LPGAT1: variants seen among roughly 807,000 people sequenced by gnomAD.
LPGAT1 encodes the protein lysophosphatidylglycerol acyltransferase 1, also known as acyl-CoA:lysophosphatidylglycerol acyltransferase 1.
In LPGAT1, 11 loss-of-function variants were observed where a neutral mutation model predicts 47.5. That is an observed-to-expected ratio of 0.23 (90% CI 0.15 to 0.38). The LOEUF is 0.38. Among genes scored for constraint, LPGAT1 ranks in the 10% least tolerant of loss-of-function variants. LPGAT1 has a pLI of 1.00. For synonymous variants in LPGAT1, 138 were observed against 144.2 expected, an observed-to-expected ratio of 0.96 and a Z score of 0.31; for missense variants, 293 against 439.0, an observed-to-expected ratio of 0.67 and a Z score of 2.97.
In LPGAT1 at chr1:211,745,880, C is replaced by T. The variant is rs1265975352; in HGVS notation, c.*4019G>A. On this transcript the variant is annotated 3_prime_UTR_variant, in exon 8 of 8. Coordinates refer to ENST00000366997, the MANE Select transcript of LPGAT1 (RefSeq NM_014873.3). ...CCTTCATATTAACAGATATAAGGCT[C>T]ATAGCACTGCAGAGCAAAAAAACAT... 1 of 152,638 alleles carries T rather than the reference C, an allele frequency of 6.6e-6. No individual in the cohort carries two copies. The highest frequency in any genetic ancestry group is 1.5e-5 in the Non-Finnish European group (1 of 68,052). The allele number at this position is 152,638 out of a possible 1,614,324, so 9.5% of individuals were successfully genotyped here.
chr1:211,776,337 G>A (rs999475895), intron 6 of LPGAT1, among the ~76,000 whole-genome samples: 4 of 152,080 alleles, frequency 2.6e-5, no homozygotes, highest in Non-Finnish European at 4.4e-5. Flanking sequence ...AGGAGTTCGA[G>A]ACCAGCCTGG....
intron 2 of LPGAT1, among the ~76,000 whole-genome samples, chr1:211,803,962 T>A (rs1659666695): frequency 6.6e-6 from 1 of 152,208 alleles, no homozygotes; most frequent in Non-Finnish European, 1.5e-5. Context: ...TTTTGCCATG[T>A]TGGCCATGTT....
chr1:211,778,833 G>A, intron 6 of LPGAT1, 85 bp downstream of exon 6: 1 of 1,116,386 alleles, frequency 9.0e-7, no homozygotes, highest in Non-Finnish European at 1.2e-6. Flanking sequence ...TCTACTGTGT[G>A]ATTAAAAACT....
chr1:211,829,242 G>C lies in LPGAT1; in HGVS notation c.55C>G (p.Leu19Val). ...PWLGWLLVKA[L>V]MRFAFMVVNN... ...ACGACCATGAAGGCAAACCTCATCA[G>C]TGCTTTCACCAAGAGCCAGCCCAGC... Residue 19 changes from leucine (L) to valine (V), a missense_variant, in exon 2 of 8, where the codon CTG (leucine) becomes GTG (valine). Coordinates refer to ENST00000366997, the MANE Select transcript of LPGAT1 (RefSeq NM_014873.3). 6.2e-7 allele frequency: 1 copy of C among 1,614,182 alleles called. No individual in the cohort carries two copies. Among genetic ancestry groups the C allele is most frequent in the Non-Finnish European group, 8.5e-7 (1 of 1,180,028 alleles).
chr1:211,802,164 T>G (rs902437386), intron 2 of LPGAT1, among the ~76,000 whole-genome samples: 1 of 149,416 alleles, frequency 6.7e-6, no homozygotes, highest in East Asian at 2.0e-4. Context: ...TTCTTTGGAG[T>G]TTTCACTTCT....
intron 2 of LPGAT1, among the ~76,000 whole-genome samples, chr1:211,826,533 T>C (rs1660548355): frequency 6.6e-6 from 1 of 152,250 alleles, no homozygotes; most frequent in East Asian, 1.9e-4. Context: ...TTTTAATTAA[T>C]TTAAATTTAA....
rs1180582801 is a variant in LPGAT1, at chr1:211,747,765, T to A, written c.*2134A>T. The A allele has an allele frequency of 6.6e-6, 1 of 152,390 alleles. No individual in the cohort carries two copies. Among genetic ancestry groups the A allele is most frequent in the Admixed American group, 6.5e-5 (1 of 15,288 alleles). 9.4% of individuals were successfully genotyped at this position (152,390 alleles called of 1,614,324 possible). A position where few individuals can be genotyped will look rare whatever the true frequency, so the allele number is the denominator to read the frequency against. On this transcript the variant is annotated 3_prime_UTR_variant, in exon 8 of 8. Coordinates refer to ENST00000366997, the MANE Select transcript of LPGAT1 (RefSeq NM_014873.3). ...AAACAGAAGCATCATTAAGCTTCTA[T>A]TGGGCTTTCTGTCATCATCCATACC...
In LPGAT1 at chr1:211,824,726, T is replaced by C. The variant is rs1660481619; in HGVS notation, c.238+4333A>G. ...TATTGAATTCTATTTTATTTCACAT[T>C]CTTAAAATGTTCATCTTCACATACT... On this transcript the variant is annotated intron_variant, in intron 2 of 7. Transcript: ENST00000366997. Among the ~76,000 whole-genome samples, 3 of 152,326 alleles carry C rather than the reference T, an allele frequency of 2.0e-5. No homozygotes were observed. The South Asian group carries it at 6.2e-4, about 32-fold the overall frequency.
chr1:211,796,971 G>A (rs1659375312), intron 2 of LPGAT1, among the ~76,000 whole-genome samples: 1 of 152,060 alleles, frequency 6.6e-6, no homozygotes, highest in Admixed American at 6.6e-5. Flanking sequence ...AAAAAGTGAA[G>A]GTGGTCAGGT....
intron 6 of LPGAT1, among the ~76,000 whole-genome samples, chr1:211,773,920 A>G (rs1658280018): frequency 6.6e-6 from 1 of 152,168 alleles, no homozygotes. Context: ...TATGCATGCT[A>G]ATAAAAATAT....
chr1:211,775,931 C>CA (rs201006748), intron 6 of LPGAT1, among the ~76,000 whole-genome samples: 1,553 of 77,170 alleles, frequency 0.02, 20 homozygotes, highest in Middle Eastern at 0.038. Flanking sequence ...AATGCCATCT[C>CA]AAAAAAAAAA....
At chr1:211,800,158 C>G (rs1659516840) in intron 2 of LPGAT1, among the ~76,000 whole-genome samples, 1 of 151,796 alleles carries the variant, frequency 6.6e-6, no homozygotes, top group Non-Finnish European at 1.5e-5. Context: ...CCTCAGCCTC[C>G]CGAGTAACTG....
chr1:211,778,170 G>A (rs1658486489), intron 6 of LPGAT1, among the ~76,000 whole-genome samples: 1 of 151,976 alleles, frequency 6.6e-6, no homozygotes, highest in African/African-American at 2.4e-5. Context: ...GTGAAACCCC[G>A]TCTCTACTAA....
intron 2 of LPGAT1, among the ~76,000 whole-genome samples, chr1:211,824,535 T>C (rs1039277053): frequency 1.3e-5 from 2 of 152,054 alleles, no homozygotes; most frequent in African/African-American, 4.8e-5. Context: ...CCCCTACCAG[T>C]GATAACAGAT....
chr1:211,779,092 A>T, intron 5 of LPGAT1, 48 bp from the exon 6 acceptor site: 1 of 1,452,036 alleles, frequency 6.9e-7, no homozygotes, highest in South Asian at 1.4e-5. Flanking sequence ...CTTTTATATT[A>T]TCTGCAGCAA....
intron 3 of LPGAT1, chr1:211,792,298 G>A (rs1659155030): frequency 6.6e-6 from 1 of 151,614 alleles, no homozygotes; most frequent in East Asian, 1.9e-4. Context: ...ACTTAGTGCA[G>A]ACTGCCTATC....
intron 2 of LPGAT1, among the ~76,000 whole-genome samples, chr1:211,809,112 G>A (rs1659870441): frequency 6.6e-6 from 1 of 152,006 alleles, no homozygotes; most frequent in African/African-American, 2.4e-5. Context: ...GGCTGAGGCA[G>A]GAGAATGGCG....
intron 4 of LPGAT1, among the ~76,000 whole-genome samples, chr1:211,785,026 A>G (rs188472253): frequency 6.6e-6 from 1 of 151,988 alleles, no homozygotes; most frequent in African/African-American, 2.4e-5. Context: ...GATGGTCTCG[A>G]TCTCCTGACC....
intron 2 of LPGAT1, among the ~76,000 whole-genome samples, chr1:211,793,574 A>G (rs1449930603): frequency 1.3e-5 from 2 of 152,102 alleles, no homozygotes; most frequent in Non-Finnish European, 2.9e-5. Context: ...CTGGGATTAC[A>G]GGTGCACACC....
Sources: allele counts gnomAD v4.1 joint callset (sites outside exome capture counted in the v4.1 genomes callset), GRCh38; gene constraint gnomAD v4.1.1; transcripts MANE v1.5; gene names NCBI Gene and HGNC (gene_info 2026-07-23, HGNC 2026-07-21).